NAA38: variants seen among roughly 807,000 people sequenced by gnomAD.
NAA38 encodes N-alpha-acetyltransferase 38, NatC auxiliary subunit.
In NAA38, 15 loss-of-function variants were observed where a neutral mutation model predicts 12.6. The observed-to-expected ratio is 1.19, with a 90% CI of 0.79 to 1.83. The LOEUF (loss-of-function observed/expected upper bound fraction) is 1.83, where lower values mean the gene tolerates loss of function less well. NAA38 is among the 40% of genes most tolerant of loss of function. NAA38 has a pLI of 0.00. For missense variants in NAA38, 183 were observed against 171.7 expected (o/e 1.07, Z -0.37); for synonymous variants, 88 against 69.9 (o/e 1.26, Z -1.29).
At chr17:7,874,885 C>CAAA (rs35962141) in intron 2 of NAA38, among the ~76,000 whole-genome samples, 21 of 45,426 alleles carry the variant, frequency 4.6e-4, no homozygotes, top group East Asian at 2.2e-3. Context: ...AACTCCATCT[C>CAAA]AAAAAAAAAA....
intron 2 of NAA38, among the ~76,000 whole-genome samples, chr17:7,874,885 CAAAAAAA>C (rs35962141): frequency 0.014 from 658 of 45,478 alleles, 7 homozygotes; most frequent in Non-Finnish European, 0.023. Context: ...AACTCCATCT[CAAAAAAA>C]AAAAAAAAAA....
chr17:7,857,581 C>G (rs533226025), upstream of NAA38: 95 of 1,393,558 alleles, frequency 6.8e-5, no homozygotes, highest in Middle Eastern at 2.0e-4. Context: ...TCTCCTCCCC[C>G]TCCTAGTCTC....
chr17:7,867,376 T>A (rs1369516054), intron 2 of NAA38, among the ~76,000 whole-genome samples: 2 of 152,196 alleles, frequency 1.3e-5, no homozygotes, highest in Non-Finnish European at 2.9e-5. Context: ...CTTGCTCTTG[T>A]TGCCCAGGCT....
intron 2 of NAA38, among the ~76,000 whole-genome samples, chr17:7,872,126 A>G (rs1967095939): frequency 6.6e-6 from 1 of 152,244 alleles, no homozygotes; most frequent in Non-Finnish European, 1.5e-5. Flanking sequence ...ATGGTCTGTC[A>G]TTAATGGCAC....
chr17:7,874,759 G>A (rs751761616), intron 2 of NAA38, among the ~76,000 whole-genome samples: 27 of 151,770 alleles, frequency 1.8e-4, no homozygotes, highest in Admixed American at 5.9e-4. Flanking sequence ...GGTGGCGGGC[G>A]CCTGTAATCC....
Position 7,857,085 on chromosome 17 carries a change from G to A in NAA38, c.195C>T (p.Gly65=). The change falls in exon 2 of 3, where the codon GGC becomes GGT. Residue 65 remains glycine, a synonymous_variant. Transcript: ENST00000575771. Reference sequence around the variant, plus strand: ...AGTCACGGTCAGTGCAGAGGAAGCAGCCGACCAGTGTCCGTCCATCTGTCA... The same window carrying A: ...AGTCACGGTCAGTGCAGAGGAAGCAACCGACCAGTGTCCGTCCATCTGTCA... ...IRMTDGRTLV[G]CFLCTDRDCN... The A allele has an allele frequency of 6.2e-7, 1 of 1,613,582 alleles. No individual in the cohort carries two copies. The highest frequency in any genetic ancestry group is 8.5e-7 in the Non-Finnish European group (1 of 1,180,042).
chr17:7,879,309 C>T (rs1158921720), intron 2 of NAA38, among the ~76,000 whole-genome samples: 1 of 152,064 alleles, frequency 6.6e-6, no homozygotes, highest in East Asian at 1.9e-4. Context: ...CAGTCTTTTA[C>T]TCTGCTTGTT....
chr17:7,885,110 C>T (rs1018360899), intron 1 of NAA38: 2 of 983,326 alleles, frequency 2.0e-6, no homozygotes, highest in Middle Eastern at 5.2e-4. Flanking sequence ...ACTCCCCCCC[C>T]AAGCCCGAGT....
upstream of NAA38, chr17:7,859,110 C>T (rs2151386088): frequency 1.7e-6 from 1 of 574,038 alleles, no homozygotes. Context: ...TTTTGGACAG[C>T]AATTGGACTT....
chr17:7,870,904 A>AT (rs1491086278), intron 2 of NAA38, among the ~76,000 whole-genome samples: 1 of 149,778 alleles, frequency 6.7e-6, no homozygotes, highest in Admixed American at 6.6e-5. Context: ...AAAAAAAAAA[A>AT]ATTGTAGAAA....
upstream of NAA38, among the ~76,000 whole-genome samples, chr17:7,885,395 C>G (rs1967729698): frequency 6.7e-6 from 1 of 148,860 alleles, no homozygotes; most frequent in Non-Finnish European, 1.5e-5. Context: ...GACCGGGCCA[C>G]TCGGTCGCGG....
chr17:7,884,446 TTATATATATACA>T (rs1967426193), intron 1 of NAA38, among the ~76,000 whole-genome samples: 1 of 102,258 alleles, frequency 9.8e-6, no homozygotes, highest in Non-Finnish European at 2.1e-5. Flanking sequence ...TCGAAAACTT[TTATATATATACA>T]TATATATATA....
At chr17:7,867,981 G>A (rs1967019333) in intron 2 of NAA38, among the ~76,000 whole-genome samples, 1 of 152,210 alleles carries the variant, frequency 6.6e-6, no homozygotes, top group Non-Finnish European at 1.5e-5. Flanking sequence ...GGGAAGGAAA[G>A]TGATGAATTT....
chr17:7,880,416 T>C (rs1967251858), intron 2 of NAA38, among the ~76,000 whole-genome samples: 1 of 152,198 alleles, frequency 6.6e-6, no homozygotes, highest in Non-Finnish European at 1.5e-5. Context: ...GTAGAAGTTT[T>C]ATTATCATCT....
At chr17:7,858,205 A>T (rs769361696), upstream of NAA38, 2 of 1,613,912 alleles carry the variant, frequency 1.2e-6, no homozygotes, top group Non-Finnish European at 1.7e-6. Context: ...ACGCCGGCGG[A>T]GGTGGCCCAA....
chr17:7,859,062 T>C (rs1007641369), upstream of NAA38: 7 of 571,282 alleles, frequency 1.2e-5, no homozygotes, highest in Non-Finnish European at 2.2e-5. Context: ...AGTTCATGTA[T>C]CTTAGTGATG....
rs58208066 is a variant in NAA38, at chr17:7,872,334, T to A, written c.-65-5776A>T. 3.9e-5 allele frequency among the ~76,000 whole-genome samples: 6 copies of A among 152,090 alleles called. No individual in the cohort carries two copies. In the South Asian group the frequency reaches 8.3e-4, roughly 21 times the overall value. ...TATCTCATTCTAGTTCTCTAAAAAA[T>A]TTTTTGGTCTTGCTGAATTGAGCAG... On this transcript the variant is annotated intron_variant, in intron 2 of 4. Transcript: ENST00000576861.
intron 2 of NAA38, 39 bp downstream of exon 2, chr17:7,856,976 C>T (rs2078823587): frequency 6.3e-7 from 1 of 1,590,804 alleles, no homozygotes; most frequent in Non-Finnish European, 8.6e-7. Context: ...TAAGGTTCCG[C>T]CACATTACCA....
chr17:7,885,140 A>G, intron 1 of NAA38: 1 of 980,394 alleles, frequency 1.0e-6, no homozygotes, highest in Non-Finnish European at 1.2e-6. Context: ...GGGCGCGCGA[A>G]GCCGGGCGGG....
Sources: allele counts gnomAD v4.1 joint callset (sites outside exome capture counted in the v4.1 genomes callset), GRCh38; gene constraint gnomAD v4.1.1; transcripts MANE v1.5; gene names NCBI Gene and HGNC (gene_info 2026-07-23, HGNC 2026-07-21).